COL25A1: variants seen among roughly 807,000 people sequenced by gnomAD.
COL25A1 encodes collagen alpha-1(XXV) chain.
Under a neutral mutation model 128.4 loss-of-function variants are expected in COL25A1, and 103 were observed. The ratio of observed to expected loss-of-function variants is 0.80; its 90% confidence interval spans 0.68 to 0.94. COL25A1 has a LOEUF of 0.94. COL25A1 is among the 40% of genes least tolerant of loss of function. The pLI, the probability that COL25A1 is intolerant of heterozygous loss-of-function variation, is 0.00. For synonymous variants in COL25A1, 279 were observed against 277.2 expected, an observed-to-expected ratio of 1.01 and a Z score of -0.06; for missense variants, 745 against 840.0, an observed-to-expected ratio of 0.89 and a Z score of 1.40.
chr4:109,161,172 C>T (rs2126117788), intron 3 of COL25A1, among the ~76,000 whole-genome samples: 1 of 152,126 alleles, frequency 6.6e-6, no homozygotes, highest in African/African-American at 2.4e-5. Context: ...AGTTGGGGAA[C>T]TAGAACCAGG....
chr4:109,012,294 G>A (rs747231188), intron 5 of COL25A1, among the ~76,000 whole-genome samples: 1 of 152,240 alleles, frequency 6.6e-6, no homozygotes. Context: ...CATGTACTGG[G>A]TGAAATTGAG....
In COL25A1 at chr4:108,809,550, C is replaced by T. The variant is rs1312718406; in HGVS notation, c.*4377G>A. The T allele has an allele frequency of 6.6e-6, 1 of 151,854 alleles. No homozygotes were observed. Among genetic ancestry groups the T allele is most frequent in the African/African-American group, 2.4e-5 (1 of 41,366 alleles). 9.4% of individuals were successfully genotyped at this position (151,854 alleles called of 1,614,324 possible). On this transcript the variant is annotated 3_prime_UTR_variant, in exon 38 of 38. Coordinates refer to ENST00000399132, the MANE Select transcript of COL25A1 (RefSeq NM_198721.4). ...TTTAGGTTGAAAAAGTCTTCTTATG[C>T]CCAAAAGGACGGTTCTTTCAATAAG... is the stretch of plus-strand genomic sequence containing the variant.
chr4:109,139,636 G>A (rs1471850040), intron 3 of COL25A1, among the ~76,000 whole-genome samples: 1 of 152,006 alleles, frequency 6.6e-6, no homozygotes, highest in Non-Finnish European at 1.5e-5. Context: ...GGTTGTAGAT[G>A]TGTGGCGTTA....
At chr4:109,212,274 C>A (rs1393016735) in intron 3 of COL25A1, among the ~76,000 whole-genome samples, 3 of 152,090 alleles carry the variant, frequency 2.0e-5, no homozygotes, top group Non-Finnish European at 4.4e-5. Flanking sequence ...TGAAGCCTTA[C>A]CTGGGCTGGA....
intron 31 of COL25A1, among the ~76,000 whole-genome samples, chr4:108,835,404 G>A (rs1733653833): frequency 6.6e-6 from 1 of 151,404 alleles, no homozygotes; most frequent in Non-Finnish European, 1.5e-5. Flanking sequence ...TGCTTCAGAT[G>A]CAGTTAATAA....
chr4:109,294,858 A>C (rs1724825866), intron 3 of COL25A1, among the ~76,000 whole-genome samples: 1 of 152,112 alleles, frequency 6.6e-6, no homozygotes, highest in Non-Finnish European at 1.5e-5. Flanking sequence ...GCTGCAAAGC[A>C]GTCCTGATTC....
At chr4:108,988,841 T>C in intron 6 of COL25A1, among the ~76,000 whole-genome samples, 1 of 152,228 alleles carries the variant, frequency 6.6e-6, no homozygotes, top group Non-Finnish European at 1.5e-5. Flanking sequence ...CTTCGACTAA[T>C]GGGGCTTTCT....
chr4:108,966,034 G>A (rs1245254386), intron 8 of COL25A1, among the ~76,000 whole-genome samples: 3 of 152,002 alleles, frequency 2.0e-5, no homozygotes, highest in South Asian at 2.1e-4. Context: ...TACAATTTTC[G>A]AATAGGTGCT....
chr4:109,007,018 G>A (rs1756082998), intron 6 of COL25A1, among the ~76,000 whole-genome samples: 2 of 152,104 alleles, frequency 1.3e-5, no homozygotes, highest in Admixed American at 1.3e-4. Context: ...ACGTTTACCT[G>A]TGTAACAAAC....
intron 24 of COL25A1, among the ~76,000 whole-genome samples, chr4:108,857,038 A>G (rs995247607): frequency 1.3e-5 from 2 of 152,112 alleles, no homozygotes; most frequent in African/African-American, 2.4e-5. Flanking sequence ...TAGACTAAGG[A>G]TAGCTTGCCT....
At chr4:109,235,642 C>T (rs1779421676) in intron 3 of COL25A1, among the ~76,000 whole-genome samples, 1 of 151,964 alleles carries the variant, frequency 6.6e-6, no homozygotes, top group Admixed American at 6.6e-5. Context: ...TAGCTGACCA[C>T]TAAATTCAAT....
chr4:108,838,038 A>G (rs1330783170), intron 31 of COL25A1: 1 of 1,163,930 alleles, frequency 8.6e-7, no homozygotes, highest in Non-Finnish European at 1.3e-6. Context: ...CAGAGTTATC[A>G]TGTAGGGTAG....
At position 108,812,825 on chromosome 4, in the gene COL25A1, A is replaced by T. The variant is rs1369073542; in HGVS notation, c.*1102T>A. 1 of 152,112 alleles carries T rather than the reference A, an allele frequency of 6.6e-6. No individual in the cohort carries two copies. The highest frequency in any genetic ancestry group is 1.5e-5 in the Non-Finnish European group (1 of 68,030). 9.4% of individuals were successfully genotyped at this position (152,112 alleles called of 1,614,324 possible). ...CTCTCCTATATCATCGGGAGAGGCG[A>T]TTTTGGCTGATCCCTTCTCAGAACA... On this transcript the variant is annotated 3_prime_UTR_variant, in exon 38 of 38. Coordinates refer to ENST00000399132, the MANE Select transcript of COL25A1 (RefSeq NM_198721.4).
rs1309129730 is a variant in COL25A1 at position 108,920,624 on chromosome 4, C to A, written c.709-20G>T. ...AGGACCCTAAAAAAGAAAAACGATT[C>A]AATTAACATACTATTGTAGCCATTT... On this transcript the variant is annotated intron_variant, in intron 11 of 37. Transcript: ENST00000399132. 2 of 1,593,268 alleles carry A rather than the reference C, an allele frequency of 1.3e-6. No individual in the cohort carries two copies. The highest frequency in any genetic ancestry group is 1.7e-6 in the Non-Finnish European group (2 of 1,164,790).
chr4:109,223,513 C>T (rs1778570695), intron 3 of COL25A1, among the ~76,000 whole-genome samples: 2 of 152,054 alleles, frequency 1.3e-5, no homozygotes, highest in South Asian at 4.1e-4. Context: ...CAGCTGCTAG[C>T]AGCTGGCAGC....
At chr4:109,131,443 C>T (rs1274146933) in intron 3 of COL25A1, among the ~76,000 whole-genome samples, 2 of 152,152 alleles carry the variant, frequency 1.3e-5, no homozygotes, top group African/African-American at 4.8e-5. Context: ...TTTAAACATA[C>T]TGCTGTACTC....
intron 3 of COL25A1, among the ~76,000 whole-genome samples, chr4:109,087,419 A>G (rs550927398): frequency 9.2e-5 from 14 of 152,324 alleles, no homozygotes; most frequent in Non-Finnish European, 1.6e-4. Context: ...GACAGCAGAC[A>G]TGGAAATGCC....
At chr4:108,859,971 A>G (rs1032299172) in intron 23 of COL25A1, among the ~76,000 whole-genome samples, 1 of 152,214 alleles carries the variant, frequency 6.6e-6, no homozygotes, top group African/African-American at 2.4e-5. Flanking sequence ...CTGATAAAAA[A>G]TACGATTTAA....
At chr4:108,892,579 G>A (rs1741640439) in intron 16 of COL25A1, among the ~76,000 whole-genome samples, 1 of 152,178 alleles carries the variant, frequency 6.6e-6, no homozygotes. Context: ...GCATTACAAT[G>A]ATCATTTTCT....
Sources: allele counts gnomAD v4.1 joint callset (sites outside exome capture counted in the v4.1 genomes callset), GRCh38; gene constraint gnomAD v4.1.1; transcripts MANE v1.5; gene names NCBI Gene and HGNC (gene_info 2026-07-23, HGNC 2026-07-21).